The following RBFOX1 variants were observed in gnomAD, a reference collection of about 807,000 sequenced individuals.
RBFOX1 encodes RNA binding fox-1 homolog 1, also known as RNA binding protein fox-1 homolog 1.
RBFOX1 carries 8 observed loss-of-function variants against 57.7 expected under a neutral mutation model. The observed-to-expected ratio is 0.14, with a 90% CI of 0.08 to 0.25. RBFOX1 has a LOEUF of 0.25. Ranked by LOEUF, RBFOX1 falls within the 10% of genes least tolerant of loss-of-function variation. The pLI, the probability that RBFOX1 is intolerant of heterozygous loss-of-function variation, is 1.00. For missense variants in RBFOX1, 611 were observed against 548.5 expected, an observed-to-expected ratio of 1.11 and a Z score of -1.14; for synonymous variants, 326 against 222.4, an observed-to-expected ratio of 1.47 and a Z score of -4.15.
At chr16:7,527,936 C>G (rs912544196) in intron 5 of RBFOX1, among the ~76,000 whole-genome samples, 1 of 152,106 alleles carries the variant, frequency 6.6e-6, no homozygotes, top group African/African-American at 2.4e-5. Context: ...ACTCCAATTC[C>G]GAGATTTATT....
intron 4 of RBFOX1, among the ~76,000 whole-genome samples, chr16:7,254,721 T>C (rs2094610048): frequency 6.6e-6 from 1 of 152,152 alleles, no homozygotes; most frequent in Admixed American, 6.5e-5. Flanking sequence ...GCAATTGTTA[T>C]TATCCTAAAA....
At chr16:7,016,842 C>T (rs1347390394) in intron 3 of RBFOX1, among the ~76,000 whole-genome samples, 1 of 152,202 alleles carries the variant, frequency 6.6e-6, no homozygotes, top group African/African-American at 2.4e-5. Flanking sequence ...TTTCGGCCAG[C>T]ACTTGCTGCA....
chr16:5,675,254 A>G (rs779248141), intron 3 of RBFOX1, among the ~76,000 whole-genome samples: 53 of 152,178 alleles, frequency 3.5e-4, no homozygotes, highest in Non-Finnish European at 6.9e-4. Flanking sequence ...CCACACACAC[A>G]TAGAAAGAGA....
At chr16:6,429,913 A>T (rs537970773) in intron 2 of RBFOX1, among the ~76,000 whole-genome samples, 1 of 152,202 alleles carries the variant, frequency 6.6e-6, no homozygotes, top group South Asian at 2.1e-4. Context: ...GTTCAAGTCC[A>T]GTCTGACCAA....
At chr16:5,814,476 G>A (rs898748314) in intron 3 of RBFOX1, among the ~76,000 whole-genome samples, 5 of 152,244 alleles carry the variant, frequency 3.3e-5, no homozygotes, top group East Asian at 1.9e-4. Context: ...GCACTTCTTG[G>A]TTAGTTGAAT....
At chr16:5,952,737 GT>G (rs986369908) in intron 4 of RBFOX1, among the ~76,000 whole-genome samples, 9 of 152,282 alleles carry the variant, frequency 5.9e-5, no homozygotes, top group African/African-American at 2.2e-4. Flanking sequence ...TCTCTCTGGG[GT>G]TTCCCTGTTA....
intron 4 of RBFOX1, among the ~76,000 whole-genome samples, chr16:7,242,793 G>C (rs11642911): frequency 6.6e-6 from 1 of 152,092 alleles, no homozygotes; most frequent in Admixed American, 6.6e-5. Context: ...AAACGGCTCA[G>C]CCAAATTTTC....
chr16:6,327,973 A>T (rs936176716), intron 2 of RBFOX1, among the ~76,000 whole-genome samples: 1 of 152,160 alleles, frequency 6.6e-6, no homozygotes, highest in Non-Finnish European at 1.5e-5. Flanking sequence ...TCTGAAAATG[A>T]TCTGGGTGGA....
intron 3 of RBFOX1, among the ~76,000 whole-genome samples, chr16:7,022,013 T>TCCCTCCCCCCTC (rs2039368314): frequency 7.9e-5 from 1 of 12,688 alleles, no homozygotes; most frequent in African/African-American, 9.2e-4. Flanking sequence ...TCCCTCCCCT[T>TCCCTCCCCCCTC]CCCTTCCCCC....
chr16:6,820,061 G>A (rs562648454), intron 3 of RBFOX1, among the ~76,000 whole-genome samples: 10 of 152,064 alleles, frequency 6.6e-5, no homozygotes, highest in Non-Finnish European at 1.5e-4. Context: ...TTGAATCGTG[G>A]GGCTTGATTT....
At chr16:5,843,794 A>G (rs2056685474) in intron 3 of RBFOX1, among the ~76,000 whole-genome samples, 1 of 152,226 alleles carries the variant, frequency 6.6e-6, no homozygotes, top group Non-Finnish European at 1.5e-5. Flanking sequence ...CCTTCTCTAA[A>G]GCCTGAACGC....
intron 3 of RBFOX1, among the ~76,000 whole-genome samples, chr16:6,922,477 A>G (rs537877790): frequency 6.6e-6 from 1 of 152,214 alleles, no homozygotes; most frequent in Admixed American, 6.5e-5. Context: ...GTGGTTGCTA[A>G]TCTTTTAGCT....
chr16:6,126,970 G>A (rs1285463073), intron 1 of RBFOX1, among the ~76,000 whole-genome samples: 1 of 152,282 alleles, frequency 6.6e-6, no homozygotes, highest in Non-Finnish European at 1.5e-5. Context: ...AAAAAACAAG[G>A]AGGGTTTCAT....
intron 4 of RBFOX1, chr16:7,510,280 A>T (rs969760986): frequency 1.0e-6 from 1 of 985,784 alleles, no homozygotes; most frequent in African/African-American, 1.7e-5. Flanking sequence ...TGCTAAGTTT[A>T]TGGAGGAGAA....
intron 4 of RBFOX1, among the ~76,000 whole-genome samples, chr16:7,248,371 C>A (rs532857788): frequency 5.6e-4 from 85 of 152,252 alleles, no homozygotes; most frequent in African/African-American, 1.9e-3. Context: ...AGTAGGATGC[C>A]CTATGTGGGT....
intron 2 of RBFOX1, among the ~76,000 whole-genome samples, chr16:6,587,890 C>T (rs185209216): frequency 6.6e-6 from 1 of 152,264 alleles, no homozygotes; most frequent in Admixed American, 6.5e-5. Flanking sequence ...TTACAGGCAC[C>T]ATGAACAACT....
intron 3 of RBFOX1, among the ~76,000 whole-genome samples, chr16:6,941,027 T>C (rs2078348200): frequency 1.3e-5 from 2 of 152,084 alleles, no homozygotes; most frequent in South Asian, 4.2e-4. Flanking sequence ...TATACTTCTA[T>C]ATGTGTATGG....
chr16:7,460,370 A>AAAAAAAAAATAT (rs1251870828), intron 4 of RBFOX1, among the ~76,000 whole-genome samples: 14 of 76,008 alleles, frequency 1.8e-4, no homozygotes, highest in African/African-American at 8.8e-4. Flanking sequence ...CATTTAGCAA[A>AAAAAAAAAATAT]ATATATATAT....
intron 4 of RBFOX1, among the ~76,000 whole-genome samples, chr16:7,224,482 A>C (rs537276471): frequency 1.6e-4 from 25 of 152,148 alleles, no homozygotes; most frequent in South Asian, 8.3e-4. Context: ...CAAATGATCG[A>C]GCTATAAAAA....
Sources: gnomAD v4.1 joint callset for allele counts (sites outside exome capture counted in the v4.1 genomes callset) on GRCh38, gnomAD v4.1.1 for gene constraint, MANE v1.5 for transcripts, NCBI Gene and HGNC (gene_info 2026-07-23, HGNC 2026-07-21) for gene names.